Variants in CNTNAP2 observed in about 807,000 individuals in gnomAD.
CNTNAP2 encodes contactin-associated protein-like 2.
CNTNAP2 carries 98 observed loss-of-function variants against 155.2 expected under a neutral mutation model. The observed-to-expected ratio is 0.63, with a 90% CI of 0.54 to 0.75. The LOEUF (loss-of-function observed/expected upper bound fraction) is 0.75. Among genes scored for constraint, CNTNAP2 ranks in the 30% least tolerant of loss-of-function variants. The pLI, the probability that CNTNAP2 is intolerant of heterozygous loss-of-function variation, is 0.00. For synonymous variants in CNTNAP2, 651 were observed against 631.2 expected (o/e 1.03, Z -0.47); for missense variants, 1,727 against 1,688.1 (o/e 1.02, Z -0.40).
chr7:146,357,933 G>A (rs909838049), intron 1 of CNTNAP2, among the ~76,000 whole-genome samples: 1 of 150,290 alleles, frequency 6.7e-6, no homozygotes, highest in Non-Finnish European at 1.5e-5. Context: ...GCCACACACA[G>A]GACTATACAA....
At chr7:147,833,566 G>T (rs897065475) in intron 13 of CNTNAP2, among the ~76,000 whole-genome samples, 6 of 152,312 alleles carry the variant, frequency 3.9e-5, no homozygotes, top group African/African-American at 1.4e-4. Flanking sequence ...GCTACCGAGG[G>T]ATTAGACATT....
chr7:146,970,413 C>G (rs1436447238), intron 3 of CNTNAP2, among the ~76,000 whole-genome samples: 1 of 152,140 alleles, frequency 6.6e-6, no homozygotes, highest in Non-Finnish European at 1.5e-5. Context: ...CATGAACAGA[C>G]ACTTCTCAAA....
chr7:148,375,338 T>TTA (rs957193800), intron 21 of CNTNAP2, among the ~76,000 whole-genome samples: 8 of 147,540 alleles, frequency 5.4e-5, no homozygotes, highest in Admixed American at 1.4e-4. Flanking sequence ...ATATATATTT[T>TTA]TATATATATA....
chr7:147,155,378 A>T (rs1239860722), intron 8 of CNTNAP2, among the ~76,000 whole-genome samples: 1 of 152,140 alleles, frequency 6.6e-6, no homozygotes, highest in Admixed American at 6.5e-5. Context: ...ACTCTATGCT[A>T]TCTTGTTATA....
rs976027477 is a variant in CNTNAP2 at position 147,580,771 on chromosome 7, G to A, written c.1897+18514G>A. Among the ~76,000 whole-genome samples the A allele has an allele frequency of 4.6e-5, 7 of 151,962 alleles. No individual in the cohort carries two copies. In the South Asian group the frequency reaches 1.0e-3, roughly 23 times the overall value. On this transcript the variant is annotated intron_variant, in intron 12 of 23. Transcript: ENST00000361727. ...GCTAGGACTACAGGCATGTGCCACC[G>A]TGCCCAGCTAATTTTTGTATTTTTA...
At chr7:147,887,178 T>A (rs1343667688) in intron 13 of CNTNAP2, among the ~76,000 whole-genome samples, 4 of 152,306 alleles carry the variant, frequency 2.6e-5, no homozygotes, top group East Asian at 3.9e-4. Flanking sequence ...TAAACATTTT[T>A]AAAATGCATA....
At chr7:147,499,369 A>C (rs1422109419) in intron 11 of CNTNAP2, among the ~76,000 whole-genome samples, 2 of 152,034 alleles carry the variant, frequency 1.3e-5, no homozygotes, top group African/African-American at 4.8e-5. Context: ...TCTCTACTAA[A>C]AATAAAAAAA....
At chr7:146,469,030 A>G (rs1280264272) in intron 1 of CNTNAP2, among the ~76,000 whole-genome samples, 1 of 152,248 alleles carries the variant, frequency 6.6e-6, no homozygotes, top group Non-Finnish European at 1.5e-5. Context: ...TCTAAAGGCA[A>G]TAAATTGATA....
At chr7:148,050,234 A>C (rs567575801) in intron 15 of CNTNAP2, among the ~76,000 whole-genome samples, 1 of 152,216 alleles carries the variant, frequency 6.6e-6, no homozygotes, top group Non-Finnish European at 1.5e-5. Context: ...AGGCATTGTT[A>C]CCATAGGAGC....
chr7:147,253,486 TA>T (rs1804251503), intron 8 of CNTNAP2, among the ~76,000 whole-genome samples: 1 of 151,870 alleles, frequency 6.6e-6, no homozygotes, highest in African/African-American at 2.4e-5. Flanking sequence ...CTTAGAGCAT[TA>T]AAAAGAAATC....
intron 20 of CNTNAP2, among the ~76,000 whole-genome samples, chr7:148,253,163 A>G (rs981449169): frequency 6.6e-6 from 1 of 152,178 alleles, no homozygotes; most frequent in African/African-American, 2.4e-5. Flanking sequence ...TTCACAACGT[A>G]TCTTCCATTT....
At chr7:146,369,596 CTGAA>C (rs1266487289) in intron 1 of CNTNAP2, among the ~76,000 whole-genome samples, 1 of 152,068 alleles carries the variant, frequency 6.6e-6, no homozygotes, top group African/African-American at 2.4e-5. Flanking sequence ...TTCTATCCAT[CTGAA>C]TGATGAAAAA....
chr7:148,182,488 C>T lies in CNTNAP2; in HGVS notation c.3010+10010C>T, dbSNP rs538008319. Among the ~76,000 whole-genome samples the T allele has an allele frequency of 3.9e-5, 6 of 152,334 alleles. No homozygotes were observed. The South Asian group carries it at 1.0e-3, about 26-fold the overall frequency. On this transcript the variant is annotated intron_variant, in intron 18 of 23. Coordinates refer to ENST00000361727, the MANE Select transcript of CNTNAP2 (RefSeq NM_014141.6). ...CCATTTGCGCGCTTATCATTTCCAA[C>T]AGGCAGCTCTGGCCTTAGCAACTGG...
intron 1 of CNTNAP2, among the ~76,000 whole-genome samples, chr7:146,618,053 G>A (rs185544710): frequency 6.3e-4 from 96 of 152,176 alleles, no homozygotes; most frequent in African/African-American, 2.3e-3. Flanking sequence ...AAAGAAAATT[G>A]GAGTAATAAA....
intron 15 of CNTNAP2, among the ~76,000 whole-genome samples, chr7:148,038,069 A>C (rs187955462): frequency 1.2e-4 from 19 of 152,350 alleles, no homozygotes; most frequent in African/African-American, 4.3e-4. Context: ...AAGAAAAATT[A>C]ATTTGTTTTC....
intron 1 of CNTNAP2, among the ~76,000 whole-genome samples, chr7:146,143,463 C>T (rs1797909891): frequency 6.6e-6 from 1 of 152,038 alleles, no homozygotes; most frequent in Admixed American, 6.6e-5. Context: ...TCATTTGAGT[C>T]TCCAGAAAAT....
intron 8 of CNTNAP2, among the ~76,000 whole-genome samples, chr7:147,133,981 A>T (rs1801428700): frequency 6.6e-6 from 1 of 152,062 alleles, no homozygotes; most frequent in Non-Finnish European, 1.5e-5. Context: ...ATATCTGGAG[A>T]GACCAGAAAA....
At chr7:147,417,089 C>CAA (rs3050513) in intron 10 of CNTNAP2, among the ~76,000 whole-genome samples, 128 of 126,318 alleles carry the variant, frequency 1.0e-3, no homozygotes, top group South Asian at 2.3e-3. Flanking sequence ...ACTCTGGTCT[C>CAA]AAAAAAAAAA....
At chr7:146,504,396 G>A (rs1797351467) in intron 1 of CNTNAP2, among the ~76,000 whole-genome samples, 1 of 152,206 alleles carries the variant, frequency 6.6e-6, no homozygotes, top group Non-Finnish European at 1.5e-5. Context: ...TTGCAAAGCT[G>A]CTATGTTTTG....
Sources: gnomAD v4.1 joint callset for allele counts (sites outside exome capture counted in the v4.1 genomes callset) on GRCh38, gnomAD v4.1.1 for gene constraint, MANE v1.5 for transcripts, NCBI Gene and HGNC (gene_info 2026-07-23, HGNC 2026-07-21) for gene names.